TPRG1: variants seen among roughly 807,000 people sequenced by gnomAD.
TPRG1 encodes tumor protein p63-regulated gene 1 protein.
TPRG1 carries 29 observed loss-of-function variants against 29.3 expected under a neutral mutation model. That is an observed-to-expected ratio of 0.99 (90% CI 0.74 to 1.35). The LOEUF is 1.35. Among genes scored for constraint, TPRG1 ranks in the 40% most tolerant of loss-of-function variants. TPRG1 has a pLI of 0.00. For missense variants in TPRG1, 327 were observed against 335.0 expected (o/e 0.98, Z 0.19); for synonymous variants, 130 against 116.8 (o/e 1.11, Z -0.73).
At chr3:189,061,662 A>T (rs1716113109) in intron 4 of TPRG1, among the ~76,000 whole-genome samples, 1 of 152,234 alleles carries the variant, frequency 6.6e-6, no homozygotes, top group Admixed American at 6.5e-5. Flanking sequence ...GAAGACATAC[A>T]TGTGGCCAAC....
intron 3 of TPRG1, among the ~76,000 whole-genome samples, chr3:189,023,217 C>G (rs112919579): frequency 3.7e-4 from 57 of 152,250 alleles, no homozygotes; most frequent in South Asian, 1.0e-3. Context: ...AGCTGCAGAC[C>G]GGAGCTGTTC....
chr3:189,145,188 C>T lies in TPRG1; in HGVS notation c.-290-2396C>T, dbSNP rs189707932. ...ACCATCCTGGCCAACATGGTGAAAC[C>T]GCGTCTCTACTAAAAATACAAAAAT... is the stretch of plus-strand genomic sequence containing the variant. On this transcript the variant is annotated intron_variant, in intron 3 of 6. Coordinates refer to the TPRG1 transcript ENST00000412373. 2.9e-3 allele frequency among the ~76,000 whole-genome samples: 443 copies of T among 151,830 alleles called. 2 individuals carry two copies. Among genetic ancestry groups the T allele is most frequent in the African/African-American group, 9.3e-3 (385 of 41,414 alleles).
intron 4 of TPRG1, among the ~76,000 whole-genome samples, chr3:189,042,724 C>T (rs967012989): frequency 2.0e-5 from 3 of 151,870 alleles, no homozygotes; most frequent in Non-Finnish European, 4.4e-5. Flanking sequence ...GAAAAGTATG[C>T]TACACAATGG....
chr3:189,236,637 A>G (rs935978019), intron 3 of TPRG1, among the ~76,000 whole-genome samples: 1 of 152,168 alleles, frequency 6.6e-6, no homozygotes, highest in African/African-American at 2.4e-5. Context: ...ATTCTAGCTG[A>G]GTGATTTTGG....
At chr3:189,280,050 G>A (rs893656058) in intron 4 of TPRG1, among the ~76,000 whole-genome samples, 1 of 152,168 alleles carries the variant, frequency 6.6e-6, no homozygotes, top group African/African-American at 2.4e-5. Flanking sequence ...TAGAATTCCT[G>A]CTGTGGAAAA....
chr3:189,232,777 T>G (rs565276425), intron 3 of TPRG1, among the ~76,000 whole-genome samples: 1 of 152,144 alleles, frequency 6.6e-6, no homozygotes, highest in Admixed American at 6.5e-5. Flanking sequence ...TTTAAGCAAA[T>G]TGGAAAGACC....
intron 5 of TPRG1, among the ~76,000 whole-genome samples, chr3:189,154,767 T>A (rs886410765): frequency 6.6e-6 from 1 of 152,094 alleles, no homozygotes; most frequent in African/African-American, 2.4e-5. Context: ...CTATGTGGTG[T>A]GTGTTGGGGG....
At chr3:189,220,832 C>G (rs898991348) in intron 3 of TPRG1, among the ~76,000 whole-genome samples, 6 of 152,112 alleles carry the variant, frequency 3.9e-5, no homozygotes, top group African/African-American at 4.8e-5. Flanking sequence ...TTTTCTTTAT[C>G]CAGTCTAGTA....
intron 4 of TPRG1, among the ~76,000 whole-genome samples, chr3:189,088,978 AT>A (rs1718155323): frequency 9.3e-4 from 128 of 137,064 alleles, no homozygotes; most frequent in African/African-American, 4.5e-3. Context: ...ATATCTATCT[AT>A]CTATCTATCT....
chr3:189,219,270 G>T (rs944371048), intron 3 of TPRG1, among the ~76,000 whole-genome samples: 1 of 152,136 alleles, frequency 6.6e-6, no homozygotes, highest in Non-Finnish European at 1.5e-5. Flanking sequence ...AAATAAGTTT[G>T]CAGGCACTTG....
chr3:189,312,445 A>C (rs1295193322), intron 5 of TPRG1, among the ~76,000 whole-genome samples: 2 of 152,104 alleles, frequency 1.3e-5, no homozygotes, highest in Non-Finnish European at 2.9e-5. Flanking sequence ...GACCATTAAA[A>C]TAATATATAT....
At chr3:189,055,318 A>G (rs1715594769) in intron 4 of TPRG1, among the ~76,000 whole-genome samples, 2 of 152,212 alleles carry the variant, frequency 1.3e-5, no homozygotes, top group Non-Finnish European at 2.9e-5. Context: ...GCAAAAATCC[A>G]TGTGAAATTG....
At chr3:189,001,556 G>T (rs1242681505) in intron 2 of TPRG1, among the ~76,000 whole-genome samples, 3 of 152,074 alleles carry the variant, frequency 2.0e-5, no homozygotes, top group African/African-American at 7.2e-5. Flanking sequence ...ATTAATGAGG[G>T]CTCCATCTTC....
intron 1 of TPRG1, among the ~76,000 whole-genome samples, chr3:189,126,763 T>C (rs1236759514): frequency 1.3e-5 from 2 of 152,212 alleles, no homozygotes; most frequent in South Asian, 2.1e-4. Flanking sequence ...AGTGAAGTGT[T>C]TACCTTGGCA....
intron 3 of TPRG1, among the ~76,000 whole-genome samples, chr3:189,230,434 CA>C (rs368624963): frequency 5.0e-4 from 73 of 147,452 alleles, no homozygotes; most frequent in South Asian, 1.7e-3. Context: ...TCATAAATTG[CA>C]AAAAAAAAAT....
At chr3:189,293,157 C>T (rs1452099292) in intron 4 of TPRG1, among the ~76,000 whole-genome samples, 1 of 152,162 alleles carries the variant, frequency 6.6e-6, no homozygotes, top group Non-Finnish European at 1.5e-5. Context: ...AGATTCCGTA[C>T]CACCCATGTC....
intron 3 of TPRG1, among the ~76,000 whole-genome samples, chr3:189,020,325 G>A (rs1393089111): frequency 1.3e-5 from 2 of 151,446 alleles, no homozygotes; most frequent in African/African-American, 2.4e-5. Context: ...TGTGATGTTA[G>A]GGTGTCAATT....
At chr3:189,113,670 G>C (rs1442655600) in intron 1 of TPRG1, among the ~76,000 whole-genome samples, 1 of 151,826 alleles carries the variant, frequency 6.6e-6, no homozygotes, top group Non-Finnish European at 1.5e-5. Context: ...TTTATATGCT[G>C]GATTACATTT....
intron 1 of TPRG1, among the ~76,000 whole-genome samples, chr3:189,000,143 G>A (rs992461598): frequency 5.3e-5 from 8 of 152,136 alleles, no homozygotes; most frequent in Non-Finnish European, 1.2e-4. Context: ...TTATGCAATA[G>A]TTAGCTGTTG....
Sources: gnomAD v4.1 joint callset for allele counts (sites outside exome capture counted in the v4.1 genomes callset) on GRCh38, gnomAD v4.1.1 for gene constraint, MANE v1.5 for transcripts, NCBI Gene and HGNC (gene_info 2026-07-23, HGNC 2026-07-21) for gene names.